The following KIF26B variants were observed in gnomAD, a reference collection of about 807,000 sequenced individuals.
KIF26B encodes the protein kinesin-like protein KIF26B.
A neutral mutation model predicts 151.2 loss-of-function variants in KIF26B; 63 were observed. That is an observed-to-expected ratio of 0.42 (90% CI 0.34 to 0.51). KIF26B has a LOEUF of 0.51. Ranked by LOEUF, KIF26B falls within the 20% of genes least tolerant of loss-of-function variation. The pLI is 0.07. For synonymous variants in KIF26B, 1,357 were observed against 1,262.1 expected, an observed-to-expected ratio of 1.08 and a Z score of -1.59; for missense variants, 2,813 against 2,913.6, an observed-to-expected ratio of 0.97 and a Z score of 0.79.
At chr1:245,607,383 C>G (rs541005100) in intron 6 of KIF26B, among the ~76,000 whole-genome samples, 1 of 152,288 alleles carries the variant, frequency 6.6e-6, no homozygotes, top group East Asian at 1.9e-4. Flanking sequence ...CCTGCTCCTG[C>G]CTGCTCTACA....
chr1:245,286,019 A>G (rs1280817883), intron 2 of KIF26B, among the ~76,000 whole-genome samples: 2 of 150,846 alleles, frequency 1.3e-5, no homozygotes, highest in Non-Finnish European at 3.0e-5. Context: ...AAAAAAAGGA[A>G]AAGAAAAAAG....
intron 2 of KIF26B, among the ~76,000 whole-genome samples, chr1:245,327,384 T>C (rs781514084): frequency 5.3e-5 from 8 of 152,238 alleles, no homozygotes; most frequent in Non-Finnish European, 1.2e-4. Flanking sequence ...CAGCAGACCT[T>C]ACTTGTTCCA....
intron 2 of KIF26B, among the ~76,000 whole-genome samples, chr1:245,174,333 C>T (rs965988760): frequency 2.3e-4 from 35 of 152,158 alleles, no homozygotes; most frequent in African/African-American, 8.0e-4. Context: ...CTCTTTACAC[C>T]CCTTTAAGGA....
At chr1:245,700,523 G>A (rs979213626) in intron 14 of KIF26B, among the ~76,000 whole-genome samples, 5 of 152,080 alleles carry the variant, frequency 3.3e-5, no homozygotes, top group Non-Finnish European at 5.9e-5. Flanking sequence ...GTGAAACCCT[G>A]TCTGTCTCTA....
chr1:245,471,575 C>T (rs1659914992), intron 4 of KIF26B, among the ~76,000 whole-genome samples: 1 of 152,138 alleles, frequency 6.6e-6, no homozygotes, highest in Admixed American at 6.5e-5. Context: ...TATTTTACTG[C>T]ACAATAATAT....
intron 12 of KIF26B, among the ~76,000 whole-genome samples, chr1:245,689,943 G>C (rs895444705): frequency 2.0e-5 from 3 of 152,144 alleles, no homozygotes; most frequent in Non-Finnish European, 4.4e-5. Context: ...TTGTTAATTG[G>C]AGTCTTGGGT....
intron 10 of KIF26B, among the ~76,000 whole-genome samples, chr1:245,680,906 T>G (rs2044427598): frequency 6.6e-6 from 1 of 152,182 alleles, no homozygotes; most frequent in Admixed American, 6.5e-5. Context: ...TTTTGCAGTC[T>G]CCTTAGCACT....
intron 2 of KIF26B, among the ~76,000 whole-genome samples, chr1:245,278,442 A>G (rs1328145313): frequency 4.6e-5 from 7 of 152,294 alleles, no homozygotes; most frequent in Admixed American, 2.0e-4. Flanking sequence ...CTTTGCATTC[A>G]GAATTTCCGG....
At chr1:245,262,916 G>T (rs1361233178) in intron 2 of KIF26B, among the ~76,000 whole-genome samples, 3 of 152,216 alleles carry the variant, frequency 2.0e-5, no homozygotes, top group Non-Finnish European at 4.4e-5. Context: ...GGTTTAGTTA[G>T]GGAGAGAACT....
intron 3 of KIF26B, among the ~76,000 whole-genome samples, chr1:245,414,326 G>A (rs1441231816): frequency 1.3e-5 from 2 of 152,216 alleles, no homozygotes; most frequent in Non-Finnish European, 2.9e-5. Context: ...GAAAAGTGCT[G>A]TTGAGGAGGT....
At chr1:245,638,733 T>C (rs2103178681) in intron 9 of KIF26B, among the ~76,000 whole-genome samples, 1 of 152,014 alleles carries the variant, frequency 6.6e-6, no homozygotes, top group East Asian at 1.9e-4. Context: ...CCAGCATCTA[T>C]TGAAGTAATT....
At chr1:245,693,748 CAA>C (rs764759903) in intron 12 of KIF26B, among the ~76,000 whole-genome samples, 15 of 152,124 alleles carry the variant, frequency 9.9e-5, no homozygotes, top group Non-Finnish European at 1.8e-4. Flanking sequence ...TTTGCTCTGC[CAA>C]CCTCTCCTAT....
At chr1:245,550,871 A>C (rs1661865615) in intron 5 of KIF26B, among the ~76,000 whole-genome samples, 1 of 152,148 alleles carries the variant, frequency 6.6e-6, no homozygotes, top group African/African-American at 2.4e-5. Context: ...TTCTACAGGA[A>C]AAAGGAGAAT....
At chr1:245,210,008 C>T (rs1056668983) in intron 2 of KIF26B, among the ~76,000 whole-genome samples, 5 of 152,222 alleles carry the variant, frequency 3.3e-5, no homozygotes, top group Non-Finnish European at 7.3e-5. Context: ...CCAGAATGAT[C>T]AAGCTCTCCA....
chr1:245,357,468 C>T (rs555114738), intron 2 of KIF26B, among the ~76,000 whole-genome samples: 12 of 152,258 alleles, frequency 7.9e-5, no homozygotes, highest in Admixed American at 5.2e-4. Flanking sequence ...TCAGACTTCG[C>T]GGAAGAGCGG....
In KIF26B at chr1:245,602,784, G is replaced by A. The variant is rs759384499; in HGVS notation, c.1557+1G>A. 6.2e-7 allele frequency: 1 copy of A among 1,612,996 alleles called. No homozygotes were observed. On this transcript the variant is annotated splice_donor_variant, in intron 6 of 14. Coordinates refer to ENST00000407071, the MANE Select transcript of KIF26B (RefSeq NM_018012.4). LOFTEE classifies it high-confidence loss of function. This position sits in a 1 kb window ranked among gnomAD's most constrained non-coding sequence, Gnocchi z 4.5. ...AGTTTTTCCACAAGACGCTTCTCAG[G>A]TGGGTATCAGCCCCCTCTCAGGCTC...
intron 4 of KIF26B, among the ~76,000 whole-genome samples, chr1:245,509,202 A>G (rs2103083085): frequency 6.6e-6 from 1 of 152,354 alleles, no homozygotes; most frequent in South Asian, 2.1e-4. Context: ...CTAGAATGAG[A>G]AAGAGAGAAA....
chr1:245,579,979 C>T (rs1328605725), intron 5 of KIF26B, among the ~76,000 whole-genome samples: 7 of 152,286 alleles, frequency 4.6e-5, no homozygotes, highest in Admixed American at 1.3e-4. Flanking sequence ...CCATGAGACA[C>T]GGGTTTCCTC....
intron 2 of KIF26B, among the ~76,000 whole-genome samples, chr1:245,339,569 C>T (rs146398605): frequency 2.0e-5 from 3 of 152,144 alleles, no homozygotes; most frequent in African/African-American, 7.2e-5. Flanking sequence ...GGTACTAAAA[C>T]GTGATTTGGA....
Sources: allele counts gnomAD v4.1 joint callset (sites outside exome capture counted in the v4.1 genomes callset), GRCh38; gene constraint gnomAD v4.1.1; non-coding constraint Gnocchi (gnomAD v3.1); transcripts MANE v1.5; gene names NCBI Gene and HGNC (gene_info 2026-07-23, HGNC 2026-07-21).